The following TCF4 variants were observed in gnomAD, a reference collection of about 807,000 sequenced individuals.
TCF4 encodes SL3-3 enhancer factor 2.
A neutral mutation model predicts 82.1 loss-of-function variants in TCF4; 3 were observed. The observed-to-expected ratio is 0.04, with a 90% confidence interval of 0.02 to 0.09. The LOEUF is 0.09. Ranked by LOEUF, TCF4 falls within the 10% of genes least tolerant of loss-of-function variation. TCF4 has a pLI of 1.00. For missense variants in TCF4, 518 were observed against 852.7 expected, an observed-to-expected ratio of 0.61 and a Z score of 4.89; for synonymous variants, 276 against 309.6, an observed-to-expected ratio of 0.89 and a Z score of 1.14.
At chr18:55,364,324 T>A (rs906866218) in intron 6 of TCF4, among the ~76,000 whole-genome samples, 17 of 152,316 alleles carry the variant, frequency 1.1e-4, no homozygotes, top group African/African-American at 4.1e-4. Flanking sequence ...AATGAAGATA[T>A]ATAAAATAAT....
chr18:55,250,499 G>T (rs2054671098), intron 15 of TCF4, among the ~76,000 whole-genome samples: 1 of 152,320 alleles, frequency 6.6e-6, no homozygotes, highest in South Asian at 2.1e-4. Context: ...GTAAAAAAGA[G>T]CATTGAATTT....
intron 15 of TCF4, among the ~76,000 whole-genome samples, chr18:55,244,393 G>A (rs899641044): frequency 6.6e-5 from 10 of 152,138 alleles, no homozygotes; most frequent in African/African-American, 2.2e-4. Flanking sequence ...AGACTAGAGC[G>A]CCTTGGGCTC....
intron 5 of TCF4, among the ~76,000 whole-genome samples, chr18:55,421,688 C>T (rs1424235198): frequency 2.0e-5 from 3 of 152,092 alleles, no homozygotes; most frequent in Non-Finnish European, 4.4e-5. Flanking sequence ...AGCAAAAAGA[C>T]CAGTTTTAAT....
At position 55,234,744 on chromosome 18, in the gene TCF4, A is replaced by T; in HGVS notation, c.1351-61T>A. ...AACCGGAGGTGCGACAGCTATTTCCAGAGGCCAAGAGGACCTGATGAAGGC... is the reference window on the plus strand; with the variant it reads ...AACCGGAGGTGCGACAGCTATTTCCTGAGGCCAAGAGGACCTGATGAAGGC... On this transcript the variant is annotated intron_variant, in intron 15 of 19. Transcript: ENST00000354452. 1.9e-6 allele frequency: 3 copies of T among 1,611,634 alleles called. No homozygotes were observed. The East Asian group carries it at 6.7e-5, about 36-fold the overall frequency.
intron 5 of TCF4, among the ~76,000 whole-genome samples, chr18:55,448,241 T>C (rs2095560187): frequency 6.6e-6 from 1 of 152,196 alleles, no homozygotes. Flanking sequence ...TCACGTGTAG[T>C]GGGAGCACTT....
In TCF4 at chr18:55,222,766, A is replaced by C. The variant is rs937297453; in HGVS notation, c.*5269T>G. ...AAAGTAGATTGATGTCCATTCTACA[A>C]AAATATTAACTTACAGTACATAACA... On this transcript the variant is annotated 3_prime_UTR_variant, in exon 20 of 20. Transcript: ENST00000354452. 3.3e-5 allele frequency: 5 copies of C among 152,670 alleles called. No individual in the cohort carries two copies. The highest frequency in any genetic ancestry group is 1.2e-4 in the African/African-American group (5 of 41,466). The allele number at this position is 152,670 out of a possible 1,614,324, so 9.5% of individuals were successfully genotyped here.
chr18:55,597,930 A>C (rs932385057), intron 2 of TCF4, among the ~76,000 whole-genome samples: 22 of 152,188 alleles, frequency 1.4e-4, no homozygotes, highest in African/African-American at 4.8e-4. Context: ...TTGAGGACAC[A>C]AGACATTGAG....
chr18:55,304,707 T>C (rs2069598253), intron 8 of TCF4, among the ~76,000 whole-genome samples: 1 of 152,114 alleles, frequency 6.6e-6, no homozygotes, highest in Non-Finnish European at 1.5e-5. Context: ...AAAGGAATAT[T>C]CATGCAAGCA....
chr18:55,596,165 G>T (rs1011932103), intron 2 of TCF4: 2 of 428,478 alleles, frequency 4.7e-6, no homozygotes, highest in Non-Finnish European at 9.3e-6. Context: ...GGGAGGTGGA[G>T]GTTGCAGTGA....
intron 3 of TCF4, among the ~76,000 whole-genome samples, chr18:55,470,052 G>A (rs558034053): frequency 1.3e-5 from 2 of 152,296 alleles, no homozygotes; most frequent in East Asian, 1.9e-4. Context: ...GGCCTCTTGA[G>A]TCAAGGAGAA....
chr18:55,389,274 C>T (rs759888818), intron 6 of TCF4, among the ~76,000 whole-genome samples: 1 of 152,210 alleles, frequency 6.6e-6, no homozygotes, highest in African/African-American at 2.4e-5. Flanking sequence ...TTCATTCACT[C>T]ATCCATCCTG....
rs749924076 is a variant in TCF4 at position 55,464,029 on chromosome 18, C to T, written c.207+47G>A. On this transcript the variant is annotated intron_variant, in intron 4 of 19. Transcript: ENST00000354452. The stretch of plus-strand genomic sequence containing the variant: ...AACACACCTTCTGTTTGTCAATTTA[C>T]ATATGTGGGATGTCTGGTTGTGGGA... The T allele has an allele frequency of 6.0e-6, 9 of 1,510,024 alleles. No individual in the cohort carries two copies. The African/African-American group carries it at 1.2e-4, about 21-fold the overall frequency. 93.5% of individuals were successfully genotyped at this position (1,510,024 alleles called of 1,614,324 possible).
At chr18:55,500,901 C>T (rs576196321) in intron 3 of TCF4, among the ~76,000 whole-genome samples, 11 of 152,036 alleles carry the variant, frequency 7.2e-5, no homozygotes, top group African/African-American at 9.7e-5. Context: ...AATTCTCCTA[C>T]GTTTAGGTCA....
At chr18:55,404,812 T>C (rs1351536890) in intron 5 of TCF4, among the ~76,000 whole-genome samples, 1 of 152,222 alleles carries the variant, frequency 6.6e-6, no homozygotes, top group Non-Finnish European at 1.5e-5. Flanking sequence ...ATTACATATA[T>C]AAAATGGATG....
At chr18:55,545,540 C>T (rs2097199026) in intron 3 of TCF4, among the ~76,000 whole-genome samples, 1 of 152,106 alleles carries the variant, frequency 6.6e-6, no homozygotes, top group African/African-American at 2.4e-5. Flanking sequence ...CCTCTGCCTC[C>T]CGGGTTCAAG....
intron 3 of TCF4, among the ~76,000 whole-genome samples, chr18:55,476,339 G>A (rs1324397126): frequency 6.6e-6 from 1 of 152,140 alleles, no homozygotes; most frequent in Non-Finnish European, 1.5e-5. Context: ...ACTGTGAGAG[G>A]AACTTTGCCA....
rs2146475476 is a variant in TCF4, at chr18:55,520,034, C to A, written c.146-55897G>T. ...CCTGAAGACCTCCCCACACCCAGTA[C>A]ACAAATACACTCATCAACAATTGAA... On this transcript the variant is annotated intron_variant, in intron 3 of 19. Coordinates refer to ENST00000354452, the MANE Select transcript of TCF4 (RefSeq NM_001083962.2). Among the ~76,000 whole-genome samples, 2 of 152,242 alleles carry A rather than the reference C, an allele frequency of 1.3e-5. 1 individual carries two copies. Among genetic ancestry groups the A allele is most frequent in the South Asian group, 4.1e-4 (2 of 4,822 alleles).
chr18:55,345,015 A>C (rs921421551), intron 8 of TCF4, among the ~76,000 whole-genome samples: 17 of 152,142 alleles, frequency 1.1e-4, no homozygotes, highest in African/African-American at 4.1e-4. Context: ...CAAGGCAGAG[A>C]AGAGGAGGAT....
chr18:55,525,656 T>C (rs773800232), intron 3 of TCF4, among the ~76,000 whole-genome samples: 13 of 152,182 alleles, frequency 8.5e-5, no homozygotes, highest in Admixed American at 3.3e-4. Flanking sequence ...CCTATTAAAA[T>C]ACATGATTAA....
Sources: gnomAD v4.1 joint callset for allele counts (sites outside exome capture counted in the v4.1 genomes callset) on GRCh38, gnomAD v4.1.1 for gene constraint, MANE v1.5 for transcripts, NCBI Gene and HGNC (gene_info 2026-07-23, HGNC 2026-07-21) for gene names.